Variants in CADM2 observed in about 807,000 individuals in gnomAD.
The protein encoded by CADM2 is cell adhesion molecule 2.
CADM2 carries 12 observed loss-of-function variants against 49.8 expected under a neutral mutation model. The observed-to-expected ratio is 0.24, with a 90% CI of 0.15 to 0.39. The LOEUF (loss-of-function observed/expected upper bound fraction) is 0.39, where lower values mean the gene tolerates loss of function less well. Among genes scored for constraint, CADM2 ranks in the 10% least tolerant of loss-of-function variants. The pLI is 1.00. For missense variants in CADM2, 378 were observed against 492.3 expected (o/e 0.77, Z 2.20); for synonymous variants, 214 against 175.4 (o/e 1.22, Z -1.74).
intron 1 of CADM2, among the ~76,000 whole-genome samples, chr3:85,156,396 C>T (rs1358298065): frequency 6.6e-6 from 1 of 151,794 alleles, no homozygotes; most frequent in African/African-American, 2.4e-5. Context: ...AATTCCTCGA[C>T]ACATACACTC....
chr3:85,930,580 C>A (rs541381086), intron 6 of CADM2, among the ~76,000 whole-genome samples: 3 of 152,204 alleles, frequency 2.0e-5, no homozygotes, highest in South Asian at 2.1e-4. Context: ...TACTCCTTAA[C>A]CATTCCTACC....
chr3:85,966,277 A>G (rs969807065), intron 8 of CADM2, among the ~76,000 whole-genome samples: 15 of 151,678 alleles, frequency 9.9e-5, no homozygotes, highest in Non-Finnish European at 1.9e-4. Context: ...TAATGTTTAG[A>G]GCTTTGGAGG....
intron 1 of CADM2, among the ~76,000 whole-genome samples, chr3:85,725,019 A>T (rs1003559065): frequency 1.3e-5 from 2 of 151,688 alleles, no homozygotes; most frequent in Admixed American, 6.6e-5. Flanking sequence ...AAGTTACTTT[A>T]AAAAAAATCT....
chr3:85,751,161 A>G (rs1477600430), intron 2 of CADM2, among the ~76,000 whole-genome samples: 2 of 152,010 alleles, frequency 1.3e-5, no homozygotes, highest in African/African-American at 2.4e-5. Flanking sequence ...GGTAGGGGCA[A>G]TGGTGGTGGA....
intron 1 of CADM2, among the ~76,000 whole-genome samples, chr3:85,326,688 G>T (rs2044763182): frequency 6.6e-6 from 1 of 152,158 alleles, no homozygotes; most frequent in Non-Finnish European, 1.5e-5. Flanking sequence ...TAATGGAAAT[G>T]CTTACTGCCT....
At chr3:84,970,011 C>T (rs2031302301) in intron 1 of CADM2, among the ~76,000 whole-genome samples, 1 of 147,062 alleles carries the variant, frequency 6.8e-6, no homozygotes, top group African/African-American at 2.5e-5. Context: ...ACAAGCTGAC[C>T]TTGATCCACC....
chr3:85,562,989 A>G (rs1377807277), intron 1 of CADM2, among the ~76,000 whole-genome samples: 1 of 152,182 alleles, frequency 6.6e-6, no homozygotes, highest in Non-Finnish European at 1.5e-5. Context: ...TGATCACAGC[A>G]CCATACTGTA....
chr3:85,812,095 G>T (rs1193675552), intron 3 of CADM2, among the ~76,000 whole-genome samples: 5 of 152,100 alleles, frequency 3.3e-5, no homozygotes, highest in African/African-American at 1.2e-4. Context: ...TATGGATTTT[G>T]GCATCAAGTG....
intron 2 of CADM2, among the ~76,000 whole-genome samples, chr3:85,729,403 A>T (rs1298166543): frequency 6.6e-6 from 1 of 152,110 alleles, no homozygotes; most frequent in East Asian, 1.9e-4. Flanking sequence ...ACCTGCAACC[A>T]ACCTGTCTCA....
chr3:85,380,032 G>A (rs1238386083), intron 1 of CADM2, among the ~76,000 whole-genome samples: 1 of 152,018 alleles, frequency 6.6e-6, no homozygotes, highest in East Asian at 1.9e-4. Context: ...CCAATGACAA[G>A]CAAAGAGTTT....
At chr3:85,968,799 T>C (rs993520664) in intron 8 of CADM2, among the ~76,000 whole-genome samples, 11 of 151,622 alleles carry the variant, frequency 7.3e-5, no homozygotes, top group African/African-American at 2.4e-4. Flanking sequence ...TTTCAAGCAA[T>C]ATGCAATGGC....
intron 1 of CADM2, among the ~76,000 whole-genome samples, chr3:85,622,334 T>G (rs772184146): frequency 2.0e-5 from 3 of 152,168 alleles, no homozygotes; most frequent in Non-Finnish European, 2.9e-5. Context: ...TAATCCTGTT[T>G]TCTACACTAC....
At chr3:85,983,707 A>G (rs1195899640) in intron 8 of CADM2, among the ~76,000 whole-genome samples, 1 of 151,622 alleles carries the variant, frequency 6.6e-6, no homozygotes, top group Admixed American at 6.6e-5. Context: ...TTTCATTTCA[A>G]TTCTATTTTT....
At chr3:85,673,634 G>A (rs2065811210) in intron 1 of CADM2, among the ~76,000 whole-genome samples, 9 of 152,012 alleles carry the variant, frequency 5.9e-5, no homozygotes, top group Admixed American at 5.9e-4. Flanking sequence ...TAAGTAAGAT[G>A]TTAACAGGAA....
chr3:85,909,025 A>G (rs1717199886), intron 5 of CADM2, among the ~76,000 whole-genome samples: 1 of 152,158 alleles, frequency 6.6e-6, no homozygotes, highest in South Asian at 2.1e-4. Context: ...CGCCCGGCCT[A>G]CAGTTGTGAT....
At chr3:85,853,102 T>TA (rs1440961009) in intron 3 of CADM2, among the ~76,000 whole-genome samples, 2 of 151,336 alleles carry the variant, frequency 1.3e-5, no homozygotes, top group African/African-American at 4.9e-5. Context: ...CAATCTTTCT[T>TA]AAAAAAATTC....
At chr3:85,371,390 C>A (rs1430540862) in intron 1 of CADM2, among the ~76,000 whole-genome samples, 1 of 151,846 alleles carries the variant, frequency 6.6e-6, no homozygotes, top group Admixed American at 6.6e-5. Context: ...TTTAGATACA[C>A]AAATACCATT....
At chr3:85,143,529 T>A (rs1383930066) in intron 1 of CADM2, among the ~76,000 whole-genome samples, 1 of 152,168 alleles carries the variant, frequency 6.6e-6, no homozygotes, top group East Asian at 1.9e-4. Context: ...TGAGACAGAT[T>A]TTTCAACGAC....
chr3:85,714,472 G>C (rs1291065780), intron 1 of CADM2, among the ~76,000 whole-genome samples: 2 of 152,040 alleles, frequency 1.3e-5, no homozygotes, highest in Non-Finnish European at 2.9e-5. Context: ...TGTCACCCAG[G>C]CTGGAGTGCA....
Sources: allele counts gnomAD v4.1 joint callset (sites outside exome capture counted in the v4.1 genomes callset), GRCh38; gene constraint gnomAD v4.1.1; transcripts MANE v1.5; gene names NCBI Gene and HGNC (gene_info 2026-07-23, HGNC 2026-07-21).